C3orf52: variants seen among roughly 807,000 people sequenced by gnomAD.
C3orf52 encodes TPA-induced transmembrane protein.
In C3orf52, 22 loss-of-function variants were observed where a neutral mutation model predicts 24.8. The observed-to-expected ratio is 0.89, with a 90% CI of 0.63 to 1.27. The LOEUF is 1.27. Among genes scored for constraint, C3orf52 ranks in the 50% most tolerant of loss-of-function variants. C3orf52 has a pLI of 0.00. For synonymous variants in C3orf52, 93 were observed against 100.2 expected (o/e 0.93, Z 0.43); for missense variants, 265 against 260.7 (o/e 1.02, Z -0.11).
At chr3:112,128,241 T>A (rs1413582854) in exon 5 of C3orf52, 1 of 704,818 alleles carries the variant, frequency 1.4e-6, no homozygotes, top group South Asian at 1.5e-5. Context: ...AGGATGAAGA[T>A]GATACTATCA....
chr3:112,127,946 G>T, intron 4 of C3orf52: 1 of 1,320,008 alleles, frequency 7.6e-7, no homozygotes. Context: ...ACAGTCACAG[G>T]TAACTTACAG....
intron 2 of C3orf52, among the ~76,000 whole-genome samples, chr3:112,098,880 C>T (rs2107779167): frequency 6.6e-6 from 1 of 152,244 alleles, no homozygotes; most frequent in African/African-American, 2.4e-5. Flanking sequence ...AATCACCTCC[C>T]AAAGGCCCCA....
intron 3 of C3orf52, among the ~76,000 whole-genome samples, chr3:112,106,782 A>G (rs1394577914): frequency 1.3e-5 from 2 of 152,024 alleles, no homozygotes; most frequent in Non-Finnish European, 1.5e-5. Flanking sequence ...TGGGGCCATT[A>G]CTCTGCTTAA....
intron 3 of C3orf52, among the ~76,000 whole-genome samples, chr3:112,109,173 G>C (rs557499923): frequency 6.6e-6 from 1 of 152,272 alleles, no homozygotes; most frequent in African/African-American, 2.4e-5. Context: ...AATGTCCCAG[G>C]TGCTAAGTGG....
chr3:112,105,317 G>A (rs1228959873), intron 3 of C3orf52, among the ~76,000 whole-genome samples: 1 of 152,162 alleles, frequency 6.6e-6, no homozygotes, highest in Non-Finnish European at 1.5e-5. Context: ...GGCATAGTGA[G>A]GTGACAGATT....
chr3:112,086,392 C>T lies in C3orf52; in HGVS notation c.-16C>T, dbSNP rs2073824526. 25 of 1,532,558 alleles carry T rather than the reference C, an allele frequency of 1.6e-5. No individual in the cohort carries two copies. The highest frequency in any genetic ancestry group is 2.2e-5 in the Non-Finnish European group (25 of 1,134,136). The allele number at this position is 1,532,558 out of a possible 1,614,324, so 94.9% of individuals were successfully genotyped here. A position where few individuals can be genotyped will look rare whatever the true frequency, so the allele number is the denominator to read the frequency against. On this transcript the variant is annotated 5_prime_UTR_variant, in exon 1 of 6. Transcript: ENST00000264848. ...GTGGCCTCCCGCGGAGCCGCTCAGA[C>T]TTTCCCTGCCGGCACATGGACCTGG... is the stretch of plus-strand genomic sequence containing the variant.
At chr3:112,086,675 G>A in intron 1 of C3orf52, 130 bp downstream of exon 1, 1 of 1,172,316 alleles carries the variant, frequency 8.5e-7, no homozygotes. Context: ...GGTGGGGCGC[G>A]CTCGAGTGCT....
rs541606978 is a variant in C3orf52 at position 112,116,858 on chromosome 3, C to A, written c.*212C>A. On this transcript the variant is annotated 3_prime_UTR_variant, in exon 6 of 6. Transcript: ENST00000264848. ...GAGCACTGCTTCAGCTGGGTCCAGT[C>A]TTGACAAAGGCAGGAAGCCAGCTAG... is the stretch of plus-strand genomic sequence containing the variant. 1.2e-5 allele frequency: 18 copies of A among 1,537,308 alleles called. No individual in the cohort carries two copies. The highest frequency in any genetic ancestry group is 2.0e-5 in the Admixed American group (1 of 50,986).
chr3:112,122,968 T>A (rs2074228074), downstream of C3orf52: 1 of 170,334 alleles, frequency 5.9e-6, no homozygotes, highest in South Asian at 1.5e-4. Flanking sequence ...AGACATGACT[T>A]AGACACATGG....
chr3:112,114,016 T>C (rs1283847677), intron 5 of C3orf52, among the ~76,000 whole-genome samples: 1 of 152,134 alleles, frequency 6.6e-6, no homozygotes, highest in Non-Finnish European at 1.5e-5. Flanking sequence ...TCCACATGAG[T>C]AGGTTCTCAG....
Position 112,116,898 on chromosome 3 carries a change from G to T in C3orf52, c.*252G>T. 6.5e-7 allele frequency: 1 copy of T among 1,537,236 alleles called. No individual in the cohort carries two copies. Among genetic ancestry groups the T allele is most frequent in the South Asian group, 1.2e-5 (1 of 84,054 alleles). On this transcript the variant is annotated 3_prime_UTR_variant, in exon 6 of 6. Coordinates refer to ENST00000264848, the MANE Select transcript of C3orf52 (RefSeq NM_024616.3). ...AAGCCAGCTAGGGTGGGGGCGATAG[G>T]GTCAGCGGGTATGTCCCACTGTTGG...
At chr3:112,134,507 A>T (rs964537442), downstream of C3orf52, 1 of 152,158 alleles carries the variant, frequency 6.6e-6, no homozygotes, top group Non-Finnish European at 1.5e-5. Flanking sequence ...TGGCCAAGTA[A>T]GTAGGCCACA....
In C3orf52 at chr3:112,118,205, A is replaced by C. The variant is rs1258580396; in HGVS notation, c.*1559A>C. ...AACATTTACAATACATTATTTTTGCATCTGTGTTGTTGCATTCCCATTGGC... is the reference window on the plus strand; with the variant it reads ...AACATTTACAATACATTATTTTTGCCTCTGTGTTGTTGCATTCCCATTGGC... On this transcript the variant is annotated 3_prime_UTR_variant, in exon 6 of 6. Transcript: ENST00000264848. 2 of 152,222 alleles carry C rather than the reference A, an allele frequency of 1.3e-5. No homozygotes were observed. Among genetic ancestry groups the C allele is most frequent in the Non-Finnish European group, 2.9e-5 (2 of 68,036 alleles). 9.4% of individuals were successfully genotyped at this position (152,222 alleles called of 1,614,324 possible).
chr3:112,103,903 A>G lies in C3orf52; in HGVS notation c.396+938A>G, dbSNP rs573845495. Among the ~76,000 whole-genome samples the G allele has an allele frequency of 8.5e-5, 13 of 152,346 alleles. No individual in the cohort carries two copies. In the East Asian group the frequency reaches 1.7e-3, roughly 20 times the overall value. ...GTCATGAAGGCTTTCCCACTCTTCA[A>G]TAAGGCACCAAAATATTTTAATCAG... On this transcript the variant is annotated intron_variant, in intron 3 of 5. Coordinates refer to ENST00000264848, the MANE Select transcript of C3orf52 (RefSeq NM_024616.3).
chr3:112,115,933 G>C (rs1223551987), intron 5 of C3orf52, among the ~76,000 whole-genome samples: 1 of 152,136 alleles, frequency 6.6e-6, no homozygotes, highest in African/African-American at 2.4e-5. Flanking sequence ...AGATGAGTGG[G>C]GCCCTGGGCT....
At chr3:112,090,598 A>G (rs964407520) in intron 1 of C3orf52, among the ~76,000 whole-genome samples, 1 of 152,190 alleles carries the variant, frequency 6.6e-6, no homozygotes, top group African/African-American at 2.4e-5. Context: ...ACTAGGCTAC[A>G]GGAAGAGGCA....
At chr3:112,133,314 G>T, downstream of C3orf52, 1 of 601,082 alleles carries the variant, frequency 1.7e-6, no homozygotes. Flanking sequence ...AGGCACGCAT[G>T]TGCAGAATGT....
At chr3:112,105,756 G>C (rs2074017771) in intron 3 of C3orf52, among the ~76,000 whole-genome samples, 1 of 150,082 alleles carries the variant, frequency 6.7e-6, no homozygotes. Context: ...CCGGCAGGCA[G>C]AGCTTGCAGT....
downstream of C3orf52, among the ~76,000 whole-genome samples, chr3:112,120,157 TAC>T (rs1182729122): frequency 2.0e-5 from 3 of 152,196 alleles, no homozygotes; most frequent in African/African-American, 7.2e-5. Flanking sequence ...AGACGGAATT[TAC>T]ACTGGTCCAC....
Sources: allele counts gnomAD v4.1 joint callset (sites outside exome capture counted in the v4.1 genomes callset), GRCh38; gene constraint gnomAD v4.1.1; transcripts MANE v1.5; gene names NCBI Gene and HGNC (gene_info 2026-07-23, HGNC 2026-07-21).